ATAD5: variants seen among roughly 807,000 people sequenced by gnomAD.
ATAD5 encodes ATPase family AAA domain containing 5.
Under a neutral mutation model 176.9 loss-of-function variants are expected in ATAD5, and 58 were observed. The observed-to-expected ratio is 0.33, with a 90% CI of 0.27 to 0.41. ATAD5 has a LOEUF of 0.41. Among genes scored for constraint, ATAD5 ranks in the 10% least tolerant of loss-of-function variants. The pLI is 1.00. For missense variants in ATAD5, 1,789 were observed against 2,094.1 expected (o/e 0.85, Z 2.84); for synonymous variants, 640 against 712.6 (o/e 0.90, Z 1.62).
At chr17:30,853,509 T>C (rs1482194360) in intron 6 of ATAD5, among the ~76,000 whole-genome samples, 2 of 152,122 alleles carry the variant, frequency 1.3e-5, no homozygotes, top group African/African-American at 2.4e-5. Flanking sequence ...AAAAGAGATA[T>C]CTCATTTAGT....
At position 30,895,102 on chromosome 17, in the gene ATAD5, T is replaced by A. The variant is rs1909839499; in HGVS notation, c.*189T>A. On this transcript the variant is annotated 3_prime_UTR_variant, in exon 23 of 23. Transcript: ENST00000321990. ...ACAAATTTTATATATGATTGTAATT[T>A]TTTTTCTGAATTTTTTGTATTATCT... The A allele has an allele frequency of 4.5e-6, 2 of 444,296 alleles. No homozygotes were observed. The highest frequency in any genetic ancestry group is 7.8e-6 in the Non-Finnish European group (2 of 256,354). 27.5% of individuals were successfully genotyped at this position (444,296 alleles called of 1,614,324 possible).
intron 6 of ATAD5, among the ~76,000 whole-genome samples, chr17:30,852,401 C>G (rs917634468): frequency 2.6e-5 from 4 of 152,118 alleles, no homozygotes; most frequent in Non-Finnish European, 5.9e-5. Context: ...CTGTGGACCC[C>G]TGGTTCCTTT....
intron 11 of ATAD5, among the ~76,000 whole-genome samples, chr17:30,867,995 T>A (rs76758226): frequency 0.027 from 4,062 of 152,314 alleles, 198 homozygotes; most frequent in African/African-American, 0.092. Context: ...TTTATGTTTT[T>A]CCTGTTAGAG....
chr17:30,832,466 T>G, intron 1 of ATAD5, 53 bp downstream of exon 1: 2 of 1,432,042 alleles, frequency 1.4e-6, no homozygotes, highest in Non-Finnish European at 1.9e-6. Flanking sequence ...TTTGGGGGAT[T>G]GGAAGGTGGG....
chr17:30,863,769 A>G (rs1907806705), intron 10 of ATAD5, among the ~76,000 whole-genome samples: 2 of 146,576 alleles, frequency 1.4e-5, no homozygotes, highest in African/African-American at 5.1e-5. Context: ...GGTTCAAGCT[A>G]TTCTCCTGCC....
At chr17:30,866,646 C>T (rs961109794) in intron 11 of ATAD5, among the ~76,000 whole-genome samples, 2 of 151,958 alleles carry the variant, frequency 1.3e-5, no homozygotes, top group Admixed American at 6.6e-5. Flanking sequence ...GAAACCCCAT[C>T]TCTACTAAAA....
intron 14 of ATAD5, among the ~76,000 whole-genome samples, chr17:30,875,196 G>A (rs1390635786): frequency 6.6e-6 from 1 of 152,112 alleles, no homozygotes; most frequent in African/African-American, 2.4e-5. Flanking sequence ...ATTAGGATTT[G>A]TAAGGACTAA....
chr17:30,890,970 TATAGA>T (rs1216606698), intron 19 of ATAD5, among the ~76,000 whole-genome samples: 18 of 152,246 alleles, frequency 1.2e-4, no homozygotes, highest in African/African-American at 4.1e-4. Flanking sequence ...CATGCTTTTC[TATAGA>T]ATAGAATGGA....
Position 30,834,528 on chromosome 17 carries a change from T to A in ATAD5, c.447T>A (p.Asn149Lys). The A allele has an allele frequency of 1.3e-6, 2 of 1,589,646 alleles. No individual in the cohort carries two copies. Among genetic ancestry groups the A allele is most frequent in the Non-Finnish European group, 1.7e-6 (2 of 1,173,784 alleles). Residue 149 changes from asparagine (N) to lysine (K), a missense_variant, in exon 2 of 23, where the codon AAT becomes AAA. Transcript: ENST00000321990. ...DDSKEDYSLN[N>K]DFVESSTSVL... The stretch of plus-strand genomic sequence containing the variant: ...GCAAAGAAGACTATAGTTTAAATAA[T>A]GATTTTGTGGAAAGTAGTACTTCTG...
In ATAD5 at chr17:30,876,369, G is replaced by A. The variant is rs1430927696; in HGVS notation, c.3608-5G>A. The A allele has an allele frequency of 1.0e-5, 16 of 1,563,446 alleles. No individual in the cohort carries two copies. Among genetic ancestry groups the A allele is most frequent in the Non-Finnish European group, 1.3e-5 (15 of 1,159,680 alleles). On this transcript the variant is annotated splice_polypyrimidine_tract_variant and splice_region_variant and intron_variant, in intron 14 of 22. Transcript: ENST00000321990. ...TATCTTTAAGTGCAATTTGTTTTTG[G>A]GCAGAAAAAATAAGCTCCCCTAAGA...
rs1470604895 is a variant in ATAD5, at chr17:30,835,924, G to C, written c.1843G>C (p.Asp615His). The change falls in exon 2 of 23, where the codon GAC becomes CAC. Residue 615 changes from aspartate to histidine, a missense_variant. Transcript: ENST00000321990. ...TTETIRGIDSDDVQDNSQLKA... is the reference protein window; with the variant it reads ...TTETIRGIDSHDVQDNSQLKA... ...AGAAACCATTAGAGGTATTGATTCT[G>C]ACGATGTACAAGATAATAGTCAACT... The C allele has an allele frequency of 6.2e-7, 1 of 1,614,138 alleles. No individual in the cohort carries two copies.
At chr17:30,873,086 TC>T (rs1437186526) in intron 14 of ATAD5, among the ~76,000 whole-genome samples, 2 of 152,166 alleles carry the variant, frequency 1.3e-5, no homozygotes, top group Non-Finnish European at 2.9e-5. Context: ...GGAGGATAAA[TC>T]CAGTGCCAGT....
Position 30,868,419 on chromosome 17 carries a change from T to C in ATAD5, c.3313+7T>C. The C allele has an allele frequency of 6.5e-7, 1 of 1,530,282 alleles. No homozygotes were observed. Among genetic ancestry groups the C allele is most frequent in the Non-Finnish European group, 8.7e-7 (1 of 1,145,982 alleles). The allele number at this position is 1,530,282 out of a possible 1,614,324, so 94.8% of individuals were successfully genotyped here. On this transcript the variant is annotated splice_region_variant and intron_variant, in intron 12 of 22. Transcript: ENST00000321990. ...AGAGATGAGAAACATGAAGGTATTT[T>C]GTGTGTCTTTTTTTTTTTTTTTACC...
At chr17:30,833,603 A>G (rs888749327) in intron 1 of ATAD5, among the ~76,000 whole-genome samples, 1 of 152,232 alleles carries the variant, frequency 6.6e-6, no homozygotes, top group Non-Finnish European at 1.5e-5. Flanking sequence ...GCCTGACTCC[A>G]GAGCCTATGT....
chr17:30,856,997 T>C lies in ATAD5; in HGVS notation c.2678T>C (p.Leu893Ser). The C allele has an allele frequency of 6.2e-7, 1 of 1,606,126 alleles. No homozygotes were observed. The highest frequency in any genetic ancestry group is 8.5e-7 in the Non-Finnish European group (1 of 1,178,310). The change falls in exon 8 of 23, where the codon TTA becomes TCA. Residue 893 changes from leucine to serine, a missense_variant. This residue lies in a region of ATAD5 where 487 missense variants were observed against 573.6 expected (regional missense o/e 0.85). Transcript: ENST00000321990. ...TTGAAACCACCCTCTTGTCCTCTCTTAACTAAATTTAAAGAACTGAACACT... is the reference window on the plus strand; with the variant it reads ...TTGAAACCACCCTCTTGTCCTCTCTCAACTAAATTTAAAGAACTGAACACT... ...WHLKPPSCPL[L>S]TKFKELNTKV...
chr17:30,889,413 A>G (rs973563509), intron 19 of ATAD5, among the ~76,000 whole-genome samples: 1 of 151,390 alleles, frequency 6.6e-6, no homozygotes, highest in Non-Finnish European at 1.5e-5. Flanking sequence ...TTATAAACAA[A>G]TGATACTATA....
Position 30,876,560 on chromosome 17 carries a change from TAA to T in ATAD5, c.3784+12_3784+13del. ...CTGGAAAATAATAAAGGTAAGACAT[TAA>T]ATTGACAAATTTTATATTTTTTAAT... On this transcript the variant is annotated intron_variant, in intron 15 of 22. Coordinates refer to ENST00000321990, the MANE Select transcript of ATAD5 (RefSeq NM_024857.5). 4 of 1,495,980 alleles carry T rather than the reference TAA, an allele frequency of 2.7e-6. No individual in the cohort carries two copies. In the South Asian group the frequency reaches 4.9e-5, roughly 18 times the overall value. 92.7% of individuals were successfully genotyped at this position (1,495,980 alleles called of 1,614,324 possible).
At position 30,894,923 on chromosome 17, in the gene ATAD5, C is replaced by A. The variant is rs1387240182; in HGVS notation, c.*10C>A. On this transcript the variant is annotated 3_prime_UTR_variant, in exon 23 of 23. Coordinates refer to ENST00000321990, the MANE Select transcript of ATAD5 (RefSeq NM_024857.5). ...AGCTGACTTCCCTTAATGTTCCATA[C>A]TAACAATGCTTTGTATAGATTATCA... The A allele has an allele frequency of 6.4e-7, 1 of 1,564,644 alleles. No individual in the cohort carries two copies. Among genetic ancestry groups the A allele is most frequent in the South Asian group, 1.2e-5 (1 of 84,262 alleles).
intron 17 of ATAD5, 83 bp from the exon 18 acceptor site, chr17:30,879,340 A>T (rs1908872931): frequency 1.3e-6 from 2 of 1,498,956 alleles, no homozygotes; most frequent in African/African-American, 2.9e-5. Flanking sequence ...GAATATTTTC[A>T]TAGAAAAGTA....
Sources: allele counts gnomAD v4.1 joint callset (sites outside exome capture counted in the v4.1 genomes callset), GRCh38; gene constraint gnomAD v4.1.1; regional missense constraint gnomAD v4.1.1; transcripts MANE v1.5; gene names NCBI Gene and HGNC (gene_info 2026-07-23, HGNC 2026-07-21).